The following NFRKB variants were observed in gnomAD, a reference collection of about 807,000 sequenced individuals.
NFRKB encodes nuclear factor related to kappa-B-binding protein.
NFRKB carries 62 observed loss-of-function variants against 135.7 expected under a neutral mutation model. The observed-to-expected ratio is 0.46, with a 90% CI of 0.37 to 0.56. The LOEUF is 0.56. Ranked by LOEUF, NFRKB falls within the 20% of genes least tolerant of loss-of-function variation. The probability of loss-of-function intolerance (pLI) is 0.00; values close to 1 mark genes in which losing one functional copy is unlikely to be tolerated. For synonymous variants in NFRKB, 678 were observed against 635.6 expected (o/e 1.07, Z -1.00); for missense variants, 1,545 against 1,662.0 (o/e 0.93, Z 1.22).
chr11:129,881,635 G>A (rs1483582261), intron 12 of NFRKB, 92 bp downstream of exon 12: 19 of 1,578,202 alleles, frequency 1.2e-5, no homozygotes, highest in Non-Finnish European at 1.6e-5. Flanking sequence ...GCAAAGGCAT[G>A]ATGGATTACA....
At chr11:129,889,951 CGTGTGTGTGTGT>C (rs56216860) in intron 3 of NFRKB, among the ~76,000 whole-genome samples, 6 of 135,350 alleles carry the variant, frequency 4.4e-5, no homozygotes, top group South Asian at 2.4e-4. Context: ...TATTGTCTTA[CGTGTGTGTGTGT>C]GTGTGTGTGT....
chr11:129,874,006 C>G lies in NFRKB; in HGVS notation c.2289G>C (p.Leu763=). 6.2e-7 allele frequency: 1 copy of G among 1,612,154 alleles called. No individual in the cohort carries two copies. Among genetic ancestry groups the G allele is most frequent in the Non-Finnish European group, 8.5e-7 (1 of 1,179,198 alleles). ...GATGTGGCATTGTTGGTGAAGACAC[C>G]AGAAGAACACTATGAAGAACATCGG... ...EPAKSSSGVL[L]VSSPTMPHLG... The change falls in exon 22 of 27, where the codon CTG becomes CTC. Residue 763 remains leucine, a synonymous_variant. Transcript: ENST00000682444. This position sits in a 1 kb window ranked among gnomAD's most constrained non-coding sequence, Gnocchi z 4.5.
In NFRKB at chr11:129,874,756, C is replaced by G. The variant is rs1190181583; in HGVS notation, c.1978+37G>C. On this transcript the variant is annotated intron_variant, in intron 19 of 26. Coordinates refer to ENST00000682444, the MANE Select transcript of NFRKB (RefSeq NM_001143835.2). This position sits in a 1 kb window ranked among gnomAD's most constrained non-coding sequence, Gnocchi z 4.5. ...TGGGGTAGAAAGTCAGAACGTATCC[C>G]CAGTCTGGTCGGACAGTGCCCAGAG... 6.2e-7 allele frequency: 1 copy of G among 1,614,050 alleles called. No homozygotes were observed.
At chr11:129,894,023 C>T (rs934381387) in intron 2 of NFRKB, 2 of 152,192 alleles carry the variant, frequency 1.3e-5, no homozygotes, top group African/African-American at 2.4e-5. Flanking sequence ...CCATTTGATC[C>T]GTATAATCAT....
intron 13 of NFRKB, among the ~76,000 whole-genome samples, chr11:129,881,088 T>C (rs568962617): frequency 6.6e-6 from 1 of 152,206 alleles, no homozygotes; most frequent in Non-Finnish European, 1.5e-5. Context: ...GCAAAGCCCA[T>C]TTTTAGGAAA....
At chr11:129,883,261 AG>A in intron 8 of NFRKB, 55 bp from the exon 9 acceptor site, 1 of 1,434,910 alleles carries the variant, frequency 7.0e-7, no homozygotes, top group South Asian at 1.2e-5. Flanking sequence ...GCAAAAACTG[AG>A]GTGACTTTGC....
chr11:129,867,639 C>G (rs1948266365), intron 24 of NFRKB, among the ~76,000 whole-genome samples: 1 of 152,134 alleles, frequency 6.6e-6, no homozygotes. Context: ...TTTAACCACA[C>G]TATGTTAAGA....
intron 17 of NFRKB, among the ~76,000 whole-genome samples, 171 bp downstream of exon 17, chr11:129,876,550 A>G (rs1948773674): frequency 6.6e-6 from 1 of 152,214 alleles, no homozygotes; most frequent in African/African-American, 2.4e-5. Context: ...GAAGACTGGG[A>G]GCTGAAGATG....
rs764708677 is a variant in NFRKB at position 129,884,126 on chromosome 11, C to A, written c.760G>T (p.Asp254Tyr). Residue 254 changes from aspartate to tyrosine, a missense_variant, in exon 8 of 27, where the codon GAC becomes TAC. Transcript: ENST00000682444. ...TTTAACATTATCTTCAGGTCACTGT[C>A]CCCCAGTTCTACTTTATCTGAGAAA... ...MKTADKVELG[D>Y]SDLKIMLKKH... The A allele has an allele frequency of 2.5e-6, 4 of 1,614,192 alleles. No individual in the cohort carries two copies. Among genetic ancestry groups the A allele is most frequent in the Admixed American group, 1.7e-5 (1 of 60,022 alleles).
At chr11:129,883,985 A>G (rs1371884822) in intron 8 of NFRKB, 85 bp downstream of exon 8, 1 of 1,366,558 alleles carries the variant, frequency 7.3e-7, no homozygotes, top group South Asian at 1.2e-5. Flanking sequence ...CAGACGAGGC[A>G]GTGATGCCCC....
intron 8 of NFRKB, among the ~76,000 whole-genome samples, chr11:129,883,560 G>GAGAACT (rs1949129562): frequency 1.3e-5 from 2 of 152,194 alleles, no homozygotes; most frequent in Non-Finnish European, 2.9e-5. Flanking sequence ...AGAAAAGAGA[G>GAGAACT]AGAACTCAGT....
rs940161158 is a variant in NFRKB, at chr11:129,874,806, A to T, written c.1965T>A (p.Ser655Arg). 6.2e-7 allele frequency: 1 copy of T among 1,613,784 alleles called. No individual in the cohort carries two copies. Among genetic ancestry groups the T allele is most frequent in the Non-Finnish European group, 8.5e-7 (1 of 1,180,010 alleles). The change falls in exon 19 of 27, where the codon AGT (serine) becomes AGA (arginine). Residue 655 changes from serine (S) to arginine (R), a missense_variant. Physicochemically the swap from Ser to Arg is moderately radical, Grantham distance 110. This residue lies in a region of NFRKB where 114 missense variants were observed against 211.0 expected (regional missense o/e 0.54). Coordinates refer to ENST00000682444, the MANE Select transcript of NFRKB (RefSeq NM_001143835.2). This position sits in a 1 kb window ranked among gnomAD's most constrained non-coding sequence, Gnocchi z 4.5. ...GGCCTCACACACCAAACTCTTCTTC[A>T]CTCCGGTCACGATGCAGGTAGATCC... Reference protein sequence around the residue: ...KLWIYLHRDRSEEEFERIHQA... With the variant: ...KLWIYLHRDRREEEFERIHQA...
Position 129,895,558 on chromosome 11 carries a change from A to G in NFRKB, c.-164T>C, listed in dbSNP as rs3108962. 0.98 allele frequency: 149,082 copies of G among 152,306 alleles called. 72,987 individuals are homozygous for G. The highest frequency in any genetic ancestry group is 1 in the East Asian group (5,142 of 5,142). The allele number at this position is 152,306 out of a possible 1,614,324, so 9.4% of individuals were successfully genotyped here. A position where few individuals can be genotyped will look rare whatever the true frequency, so the allele number is the denominator to read the frequency against. ...TCTCCGGCCGCGGGCTCCCAGACGC[A>G]CTCGCTCCCGCAAGGAGTCTGGGTG... On this transcript the variant is annotated 5_prime_UTR_variant, in exon 1 of 27. Coordinates refer to ENST00000682444, the MANE Select transcript of NFRKB (RefSeq NM_001143835.2).
chr11:129,873,721 A>G (rs1057450078), intron 22 of NFRKB, 24 bp downstream of exon 22: 15 of 1,603,956 alleles, frequency 9.4e-6, no homozygotes, highest in Non-Finnish European at 1.3e-5. Context: ...TCTGCTTCCC[A>G]ATGACCACGG....
At chr11:129,869,385 C>A in intron 24 of NFRKB, 109 bp downstream of exon 24, 2 of 1,307,864 alleles carry the variant, frequency 1.5e-6, no homozygotes, top group Non-Finnish European at 2.1e-6. Flanking sequence ...AATTTCCACT[C>A]CTAAAAAGAA....
intron 3 of NFRKB, among the ~76,000 whole-genome samples, chr11:129,891,337 A>G (rs1426174657): frequency 6.6e-6 from 1 of 152,186 alleles, no homozygotes; most frequent in Admixed American, 6.5e-5. Context: ...ATGACAGTCT[A>G]TTTCCTATGG....
intron 8 of NFRKB, among the ~76,000 whole-genome samples, chr11:129,883,455 A>G (rs1051372584): frequency 1.1e-4 from 16 of 152,322 alleles, no homozygotes; most frequent in African/African-American, 3.4e-4. Flanking sequence ...GCTCTTCTGC[A>G]TTCCTTGTCT....
At position 129,874,751 on chromosome 11, in the gene NFRKB, T is replaced by C; in HGVS notation, c.1978+42A>G. 1 of 1,614,060 alleles carries C rather than the reference T, an allele frequency of 6.2e-7. No homozygotes were observed. The highest frequency in any genetic ancestry group is 1.1e-5 in the South Asian group (1 of 91,074). On this transcript the variant is annotated intron_variant, in intron 19 of 26. Transcript: ENST00000682444. The surrounding 1 kb of genome is among the most constrained non-coding windows in gnomAD (Gnocchi z 4.5). The stretch of plus-strand genomic sequence containing the variant: ...GGAATTGGGGTAGAAAGTCAGAACG[T>C]ATCCCCAGTCTGGTCGGACAGTGCC...
intron 3 of NFRKB, 34 bp downstream of exon 3, chr11:129,892,681 G>T: frequency 6.2e-7 from 1 of 1,605,436 alleles, no homozygotes; most frequent in South Asian, 1.1e-5. Context: ...GAAGCTGACA[G>T]AGAGGAAAAG....
Sources: allele counts gnomAD v4.1 joint callset (sites outside exome capture counted in the v4.1 genomes callset), GRCh38; gene constraint gnomAD v4.1.1; regional missense constraint gnomAD v4.1.1; non-coding constraint Gnocchi (gnomAD v3.1); transcripts MANE v1.5; gene names NCBI Gene and HGNC (gene_info 2026-07-23, HGNC 2026-07-21).